Variants in PDE4B observed in about 807,000 individuals in gnomAD.
PDE4B encodes the protein phosphodiesterase 4B, also known as 3',5'-cyclic-AMP phosphodiesterase 4B.
PDE4B carries 20 observed loss-of-function variants against 82.2 expected under a neutral mutation model. The observed-to-expected ratio is 0.24, with a 90% CI of 0.17 to 0.35. The LOEUF (loss-of-function observed/expected upper bound fraction) is 0.35. Ranked by LOEUF, PDE4B falls within the 10% of genes least tolerant of loss-of-function variation. The pLI, the probability that PDE4B is intolerant of heterozygous loss-of-function variation, is 1.00. For synonymous variants in PDE4B, 320 were observed against 318.9 expected (o/e 1.00, Z -0.04); for missense variants, 655 against 907.2 (o/e 0.72, Z 3.57).
chr1:65,967,021 G>A (rs1172078342), intron 3 of PDE4B, among the ~76,000 whole-genome samples: 1 of 152,120 alleles, frequency 6.6e-6, no homozygotes, highest in Non-Finnish European at 1.5e-5. Context: ...GGCAACAAAA[G>A]CCAAAATTGA....
chr1:66,150,662 G>C (rs529540954), intron 3 of PDE4B, among the ~76,000 whole-genome samples: 2 of 152,134 alleles, frequency 1.3e-5, no homozygotes, highest in South Asian at 4.1e-4. Flanking sequence ...TATGATAGTG[G>C]CTGTGGGTTT....
intron 1 of PDE4B, among the ~76,000 whole-genome samples, chr1:65,869,448 C>A (rs532115917): frequency 6.6e-6 from 1 of 152,256 alleles, no homozygotes; most frequent in African/African-American, 2.4e-5. Flanking sequence ...GATGAAACAG[C>A]AAGGTATGTG....
At chr1:66,312,810 A>ACCTGC (rs1441796937) in intron 7 of PDE4B, among the ~76,000 whole-genome samples, 1 of 152,014 alleles carries the variant, frequency 6.6e-6, no homozygotes, top group East Asian at 1.9e-4. Flanking sequence ...ATCTGTGATG[A>ACCTGC]CCTTCGTGCT....
chr1:65,978,436 G>T (rs1462046079), intron 3 of PDE4B, among the ~76,000 whole-genome samples: 3 of 152,034 alleles, frequency 2.0e-5, no homozygotes, highest in African/African-American at 4.8e-5. Flanking sequence ...GAAACAGAAA[G>T]CCTGAAGGAA....
chr1:66,075,446 A>G (rs950391822), intron 3 of PDE4B, among the ~76,000 whole-genome samples: 1 of 152,068 alleles, frequency 6.6e-6, no homozygotes, highest in African/African-American at 2.4e-5. Context: ...TCCAGGTTTT[A>G]TAGTTACTGG....
intron 3 of PDE4B, among the ~76,000 whole-genome samples, chr1:66,123,524 C>T: frequency 6.6e-6 from 1 of 151,410 alleles, no homozygotes. Flanking sequence ...CTCCTCCCCT[C>T]CCTCCTTTTC....
At chr1:66,185,946 T>C (rs895267724) in intron 3 of PDE4B, among the ~76,000 whole-genome samples, 2 of 152,218 alleles carry the variant, frequency 1.3e-5, no homozygotes, top group Non-Finnish European at 2.9e-5. Flanking sequence ...CTAGGTTTTC[T>C]TCTAGGATTT....
chr1:66,232,287 A>G (rs1051693953), intron 3 of PDE4B, among the ~76,000 whole-genome samples: 1 of 152,226 alleles, frequency 6.6e-6, no homozygotes, highest in Non-Finnish European at 1.5e-5. Flanking sequence ...CAGTGCCTCA[A>G]ATACACTGCA....
At chr1:65,866,213 G>A (rs1646508626) in intron 1 of PDE4B, among the ~76,000 whole-genome samples, 1 of 151,250 alleles carries the variant, frequency 6.6e-6, no homozygotes, top group African/African-American at 2.4e-5. Context: ...TGGTTATATG[G>A]GCACTAGATG....
At chr1:65,943,658 G>A (rs371296203) in intron 3 of PDE4B, among the ~76,000 whole-genome samples, 1 of 151,788 alleles carries the variant, frequency 6.6e-6, no homozygotes, top group Non-Finnish European at 1.5e-5. Context: ...CCATATATCC[G>A]AGTCTTCTTC....
At chr1:66,225,715 A>C (rs187913824) in intron 3 of PDE4B, among the ~76,000 whole-genome samples, 1 of 152,324 alleles carries the variant, frequency 6.6e-6, no homozygotes, top group Non-Finnish European at 1.5e-5. Flanking sequence ...AATCTTTTTA[A>C]AATCACCCTG....
At chr1:66,258,831 G>C (rs889161204) in intron 6 of PDE4B, among the ~76,000 whole-genome samples, 7 of 152,186 alleles carry the variant, frequency 4.6e-5, no homozygotes, top group African/African-American at 1.7e-4. Context: ...AAAAGTGGGA[G>C]TAAACCCTGC....
intron 3 of PDE4B, among the ~76,000 whole-genome samples, chr1:65,969,393 T>C (rs1650014119): frequency 6.6e-6 from 1 of 152,182 alleles, no homozygotes; most frequent in South Asian, 2.1e-4. Context: ...CAGGAAGTAC[T>C]ATCCTACCAT....
chr1:66,212,499 C>T (rs1650134336), intron 3 of PDE4B, among the ~76,000 whole-genome samples: 1 of 147,404 alleles, frequency 6.8e-6, no homozygotes, highest in Admixed American at 6.6e-5. Flanking sequence ...GCTTTCCCCT[C>T]CTCTCTCACC....
At chr1:66,013,658 T>G (rs1385964952) in intron 3 of PDE4B, among the ~76,000 whole-genome samples, 1 of 152,028 alleles carries the variant, frequency 6.6e-6, no homozygotes, top group Non-Finnish European at 1.5e-5. Context: ...CCCTCTAAGC[T>G]CTCAGAAACC....
rs114519583 is a variant in PDE4B at position 66,061,082 on chromosome 1, G to C, written c.281+142247G>C. Among the ~76,000 whole-genome samples the C allele has an allele frequency of 5.3e-5, 8 of 151,468 alleles. No homozygotes were observed. In the Admixed American group the frequency reaches 5.3e-4, roughly 10 times the overall value. On this transcript the variant is annotated intron_variant, in intron 3 of 16. Transcript: ENST00000341517. ...CTTTTTCAGGGAATCTCTAGAACAC[G>C]TTCTTTGAAAATGAGAAAGATAGCC...
chr1:65,930,996 G>A (rs1397838507), intron 3 of PDE4B, among the ~76,000 whole-genome samples: 1 of 152,216 alleles, frequency 6.6e-6, no homozygotes, highest in Non-Finnish European at 1.5e-5. Flanking sequence ...AGTGGGACCT[G>A]GTGGGAGGTG....
chr1:66,169,718 A>G (rs1646803623), intron 3 of PDE4B, among the ~76,000 whole-genome samples: 1 of 152,258 alleles, frequency 6.6e-6, no homozygotes, highest in African/African-American at 2.4e-5. Context: ...ACATGCTGAC[A>G]TATCACCAGG....
chr1:66,337,277 C>T (rs890542541), intron 8 of PDE4B, among the ~76,000 whole-genome samples: 1 of 152,204 alleles, frequency 6.6e-6, no homozygotes, highest in African/African-American at 2.4e-5. Context: ...TGCTGCCCTC[C>T]ACCCAAGGAA....
Sources: gnomAD v4.1 joint callset for allele counts (sites outside exome capture counted in the v4.1 genomes callset) on GRCh38, gnomAD v4.1.1 for gene constraint, MANE v1.5 for transcripts, NCBI Gene and HGNC (gene_info 2026-07-23, HGNC 2026-07-21) for gene names.